GRM7: variants seen among roughly 807,000 people sequenced by gnomAD.
GRM7 encodes glutamate metabotropic receptor 7, also known as metabotropic glutamate receptor 7.
GRM7 carries 35 observed loss-of-function variants against 84.5 expected under a neutral mutation model. The observed-to-expected ratio is 0.41, with a 90% CI of 0.32 to 0.55. The LOEUF (loss-of-function observed/expected upper bound fraction) is 0.55, where lower values mean the gene tolerates loss of function less well. Among genes scored for constraint, GRM7 ranks in the 20% least tolerant of loss-of-function variants. The probability of loss-of-function intolerance (pLI) is 0.19; values close to 1 mark genes in which losing one functional copy is unlikely to be tolerated. For missense variants in GRM7, 1,003 were observed against 1,194.6 expected (o/e 0.84, Z 2.36); for synonymous variants, 487 against 455.1 (o/e 1.07, Z -0.89).
chr3:7,000,061 G>T (rs1173381434), intron 1 of GRM7, among the ~76,000 whole-genome samples: 1 of 151,760 alleles, frequency 6.6e-6, no homozygotes, highest in African/African-American at 2.4e-5. Context: ...ATATAACACA[G>T]GAGTTTACAT....
At chr3:7,671,480 C>T (rs917226140) in intron 8 of GRM7, among the ~76,000 whole-genome samples, 14 of 151,844 alleles carry the variant, frequency 9.2e-5, no homozygotes, top group African/African-American at 2.2e-4. Context: ...TCACCTGGAG[C>T]GCTCGCCTTA....
At chr3:6,933,522 T>G (rs1331989286) in intron 1 of GRM7, among the ~76,000 whole-genome samples, 1 of 152,194 alleles carries the variant, frequency 6.6e-6, no homozygotes, top group Non-Finnish European at 1.5e-5. Context: ...ACTCCTATTG[T>G]ATTTGAAATA....
intron 7 of GRM7, among the ~76,000 whole-genome samples, chr3:7,529,412 C>T (rs1700941023): frequency 6.6e-6 from 1 of 152,072 alleles, no homozygotes; most frequent in Non-Finnish European, 1.5e-5. Flanking sequence ...CACATCCATT[C>T]AAGTTTTGGG....
chr3:6,883,016 A>G (rs998888768), intron 1 of GRM7, among the ~76,000 whole-genome samples: 1 of 152,120 alleles, frequency 6.6e-6, no homozygotes, highest in African/African-American at 2.4e-5. Context: ...GCACTACCTT[A>G]CCTTTCTATC....
intron 1 of GRM7, among the ~76,000 whole-genome samples, chr3:6,870,602 G>T (rs1297111306): frequency 1.3e-5 from 2 of 152,176 alleles, no homozygotes; most frequent in Non-Finnish European, 2.9e-5. Context: ...AAAGGACAAT[G>T]CTCTGTGGTA....
chr3:7,114,890 C>T (rs1692978951), intron 1 of GRM7, among the ~76,000 whole-genome samples: 1 of 152,116 alleles, frequency 6.6e-6, no homozygotes, highest in Non-Finnish European at 1.5e-5. Flanking sequence ...GCTGCCCACC[C>T]CATGTTTTGC....
rs535945953 is a variant in GRM7 at position 6,959,148 on chromosome 3, A to G, written c.519+97241A>G. Among the ~76,000 whole-genome samples the G allele has an allele frequency of 5.4e-4, 82 of 152,274 alleles. 3 individuals carry two copies. Among genetic ancestry groups the G allele is most frequent in the Non-Finnish European group, 6.2e-4 (42 of 68,024 alleles). ...CTAAGCTCTCTCTACACATGATCTC[A>G]TTTCATTCACATAATGACCCTATGA... On this transcript the variant is annotated intron_variant, in intron 1 of 9. Coordinates refer to ENST00000357716, the MANE Select transcript of GRM7 (RefSeq NM_000844.4).
chr3:7,393,962 G>A lies in GRM7; in HGVS notation c.1034-21061G>A, dbSNP rs541335780. Among the ~76,000 whole-genome samples, 10 of 152,164 alleles carry A rather than the reference G, an allele frequency of 6.6e-5. No homozygotes were observed. The South Asian group carries it at 1.5e-3, about 22-fold the overall frequency. On this transcript the variant is annotated intron_variant, in intron 4 of 9. Transcript: ENST00000357716. ...ATAACAATTAAGTGGTACAGTTTTC[G>A]CACCTTAGGCACTCTGTATGTATTT...
intron 8 of GRM7, among the ~76,000 whole-genome samples, chr3:7,648,240 TATAA>T (rs1304605675): frequency 7.5e-6 from 1 of 133,262 alleles, no homozygotes; most frequent in Non-Finnish European, 1.6e-5. Context: ...TAATTAGTGC[TATAA>T]ATAGTTTTTT....
chr3:7,656,522 AATAT>A (rs576010138), intron 8 of GRM7, among the ~76,000 whole-genome samples: 2 of 128,606 alleles, frequency 1.6e-5, no homozygotes, highest in Admixed American at 8.6e-5. Context: ...AATAAAAAAA[AATAT>A]ATATATATAT....
At chr3:7,380,573 G>T (rs1694548804) in intron 4 of GRM7, among the ~76,000 whole-genome samples, 1 of 152,148 alleles carries the variant, frequency 6.6e-6, no homozygotes, top group Non-Finnish European at 1.5e-5. Flanking sequence ...AGCTTCTTTG[G>T]AAATCAATGA....
intron 2 of GRM7, among the ~76,000 whole-genome samples, chr3:7,286,944 C>G: frequency 6.6e-6 from 1 of 151,994 alleles, no homozygotes; most frequent in East Asian, 1.9e-4. Flanking sequence ...TTAAAATGAA[C>G]AGTTAGCATC....
At chr3:6,918,838 T>C (rs1447456841) in intron 1 of GRM7, among the ~76,000 whole-genome samples, 1 of 152,186 alleles carries the variant, frequency 6.6e-6, no homozygotes, top group African/African-American at 2.4e-5. Flanking sequence ...ATTTTGGACA[T>C]ACTGCACTTC....
At chr3:7,626,935 T>C (rs1697644187) in intron 8 of GRM7, among the ~76,000 whole-genome samples, 2 of 152,132 alleles carry the variant, frequency 1.3e-5, no homozygotes, top group South Asian at 4.2e-4. Context: ...TTTTTTTTTT[T>C]TTTTCATTTT....
At chr3:7,161,336 T>C (rs1162289787) in intron 2 of GRM7, among the ~76,000 whole-genome samples, 1 of 152,098 alleles carries the variant, frequency 6.6e-6, no homozygotes, top group Non-Finnish European at 1.5e-5. Flanking sequence ...AAGAAATCCT[T>C]TCCCTTTGTG....
intron 1 of GRM7, among the ~76,000 whole-genome samples, chr3:6,883,503 G>T (rs991156974): frequency 1.3e-5 from 2 of 152,172 alleles, no homozygotes; most frequent in Non-Finnish European, 1.5e-5. Flanking sequence ...GTTTGGAAAT[G>T]ATTTATTCCC....
rs373492226 is a variant in GRM7, at chr3:7,506,426, C to T, written c.1515+44704C>T. 5.9e-5 allele frequency among the ~76,000 whole-genome samples: 9 copies of T among 152,274 alleles called. No individual in the cohort carries two copies. The East Asian group carries it at 1.2e-3, about 20-fold the overall frequency. ...TAATAAAGACTTTTTCTAGCCTACT[C>T]CTCCAAATTCTTCCAGCTTCTGCCC... On this transcript the variant is annotated intron_variant, in intron 7 of 9. Coordinates refer to ENST00000357716, the MANE Select transcript of GRM7 (RefSeq NM_000844.4).
At chr3:7,060,419 C>G (rs1181686464) in intron 1 of GRM7, among the ~76,000 whole-genome samples, 1 of 151,734 alleles carries the variant, frequency 6.6e-6, no homozygotes, top group African/African-American at 2.4e-5. Flanking sequence ...ATTGTAGGAA[C>G]AAGATGGTGA....
intron 8 of GRM7, among the ~76,000 whole-genome samples, chr3:7,656,514 T>A (rs955002788): frequency 3.2e-4 from 34 of 104,706 alleles, no homozygotes; most frequent in African/African-American, 3.6e-4. Context: ...AACAAACAAA[T>A]AAAAAAAAAT....
Sources: allele counts gnomAD v4.1 joint callset (sites outside exome capture counted in the v4.1 genomes callset), GRCh38; gene constraint gnomAD v4.1.1; transcripts MANE v1.5; gene names NCBI Gene and HGNC (gene_info 2026-07-23, HGNC 2026-07-21).